The following ESPNL variants were observed in gnomAD, a reference collection of about 807,000 sequenced individuals.
ESPNL encodes the protein espin-like protein.
ESPNL carries 49 observed loss-of-function variants against 46.8 expected under a neutral mutation model. The observed-to-expected ratio is 1.05, with a 90% CI of 0.83 to 1.33. The LOEUF is 1.33. Among genes scored for constraint, ESPNL ranks in the 40% most tolerant of loss-of-function variants. The probability of loss-of-function intolerance (pLI) is 0.00; values close to 1 mark genes in which losing one functional copy is unlikely to be tolerated. For missense variants in ESPNL, 1,540 were observed against 1,436.6 expected, an observed-to-expected ratio of 1.07 and a Z score of -1.16; for synonymous variants, 664 against 662.1, an observed-to-expected ratio of 1.00 and a Z score of -0.04.
At chr2:238,103,530 G>C (rs141405712) in intron 2 of ESPNL, among the ~76,000 whole-genome samples, 9 of 152,098 alleles carry the variant, frequency 5.9e-5, no homozygotes, top group Admixed American at 3.9e-4. Flanking sequence ...CCTAGTTCCC[G>C]CCTGGCATTG....
At chr2:238,108,218 G>C (rs1239912471) in intron 4 of ESPNL, among the ~76,000 whole-genome samples, 1 of 152,156 alleles carries the variant, frequency 6.6e-6, no homozygotes, top group Non-Finnish European at 1.5e-5. Context: ...AAACTCCCTC[G>C]TGCCTGGTCA....
At position 238,107,656 on chromosome 2, in the gene ESPNL, G is replaced by A. The variant is rs114434152; in HGVS notation, c.673-135G>A. 929 of 890,360 alleles carry A rather than the reference G, an allele frequency of 1.0e-3. 6 individuals are homozygous for A. In the African/African-American group the frequency reaches 0.013, roughly 12 times the overall value. The allele number at this position is 890,360 out of a possible 1,614,324, so 55.2% of individuals were successfully genotyped here. A position where few individuals can be genotyped will look rare whatever the true frequency, so the allele number is the denominator to read the frequency against. On this transcript the variant is annotated intron_variant, in intron 3 of 8. Transcript: ENST00000343063. Reference sequence around the variant, plus strand: ...CGCACGTGCTCAGCCAGCCCTGTCCGGGGTTTCCTGAGGTTGTACCCTGTG... The same window carrying A: ...CGCACGTGCTCAGCCAGCCCTGTCCAGGGTTTCCTGAGGTTGTACCCTGTG...
Position 238,102,120 on chromosome 2 carries a change from C to G in ESPNL, c.474C>G (p.Ala158=). ...GDLTCLKLLT[A]AHGSSVNRRT... Reference sequence around the variant, plus strand: ...TGACCTGCCTCAAGCTCCTGACAGCCGCGCATGGCAGGTAAGGAGCCCAAA... The same window carrying G: ...TGACCTGCCTCAAGCTCCTGACAGCGGCGCATGGCAGGTAAGGAGCCCAAA... Residue 158 remains alanine, a synonymous_variant, in exon 2 of 9, where the codon GCC becomes GCG. Coordinates refer to ENST00000343063, the MANE Select transcript of ESPNL (RefSeq NM_194312.4). 6.5e-7 allele frequency: 1 copy of G among 1,546,284 alleles called. No individual in the cohort carries two copies. Among genetic ancestry groups the G allele is most frequent in the Non-Finnish European group, 8.7e-7 (1 of 1,144,952 alleles).
chr2:238,132,369 A>G lies in ESPNL; in HGVS notation c.*637A>G, dbSNP rs185910545. 11 of 152,746 alleles carry G rather than the reference A, an allele frequency of 7.2e-5. No individual in the cohort carries two copies. Among genetic ancestry groups the G allele is most frequent in the African/African-American group, 2.6e-4 (11 of 41,592 alleles). 9.5% of individuals were successfully genotyped at this position (152,746 alleles called of 1,614,324 possible). A position where few individuals can be genotyped will look rare whatever the true frequency, so the allele number is the denominator to read the frequency against. Reference sequence around the variant, plus strand: ...CCTGCTTCCTCAAAGGAGGCTCCCCATGGGGCCCCTGTCCTCCAGCCTGAC... The same window carrying G: ...CCTGCTTCCTCAAAGGAGGCTCCCCGTGGGGCCCCTGTCCTCCAGCCTGAC... On this transcript the variant is annotated 3_prime_UTR_variant, in exon 9 of 9. Coordinates refer to ENST00000343063, the MANE Select transcript of ESPNL (RefSeq NM_194312.4).
chr2:238,113,075 C>G (rs1192817911), intron 4 of ESPNL, among the ~76,000 whole-genome samples: 1 of 152,196 alleles, frequency 6.6e-6, no homozygotes, highest in African/African-American at 2.4e-5. Context: ...GGCTATTATT[C>G]TGGATTTGTC....
At chr2:238,125,242 C>T in intron 5 of ESPNL, 28 bp from the exon 6 acceptor site, 1 of 1,165,566 alleles carries the variant, frequency 8.6e-7, no homozygotes, top group Non-Finnish European at 1.2e-6. Context: ...ACGGGGGTCC[C>T]CCACTGACCA....
rs774472350 is a variant in ESPNL, at chr2:238,102,172, C to T, written c.485+41C>T. The T allele has an allele frequency of 1.4e-4, 208 of 1,482,148 alleles. 1 individual carries two copies. The highest frequency in any genetic ancestry group is 9.3e-4 in the South Asian group (70 of 75,222). The allele number at this position is 1,482,148 out of a possible 1,614,324, so 91.8% of individuals were successfully genotyped here. A position where few individuals can be genotyped will look rare whatever the true frequency, so the allele number is the denominator to read the frequency against. On this transcript the variant is annotated intron_variant, in intron 2 of 8. Coordinates refer to ENST00000343063, the MANE Select transcript of ESPNL (RefSeq NM_194312.4). ...TCCCGCCTGGGGGGGCAGCCTGGGGCGAGCTGGCCAAGGGGAGGCTGCACC... is the reference window on the plus strand; with the variant it reads ...TCCCGCCTGGGGGGGCAGCCTGGGGTGAGCTGGCCAAGGGGAGGCTGCACC...
chr2:238,120,107 G>A (rs764885045), intron 5 of ESPNL, among the ~76,000 whole-genome samples: 27 of 152,130 alleles, frequency 1.8e-4, no homozygotes, highest in Non-Finnish European at 2.9e-4. Flanking sequence ...CTTGCTAGGC[G>A]TCCAGCGGGT....
chr2:238,129,014 G>T (rs1448786802), intron 8 of ESPNL, 110 bp downstream of exon 8: 4 of 1,448,098 alleles, frequency 2.8e-6, no homozygotes, highest in Non-Finnish European at 3.6e-6. Flanking sequence ...AGACCCAGGG[G>T]CCCCTCTCCT....
chr2:238,121,473 C>A (rs1275709637), intron 5 of ESPNL, among the ~76,000 whole-genome samples: 1 of 152,268 alleles, frequency 6.6e-6, no homozygotes, highest in Non-Finnish European at 1.5e-5. Flanking sequence ...TCTCAGCTCA[C>A]TGCAGCCTCA....
In ESPNL at chr2:238,107,901, G is replaced by T. The variant is rs764178645; in HGVS notation, c.783G>T (p.Met261Ile). ...CCATTCTAGACCGACTCCTGCTCAT[G>T]GGTACCCCCATCCTGAGAGACTCCT... ...HTPILDRLLLMGTPILRDSWG... is the reference protein window; with the variant it reads ...HTPILDRLLLIGTPILRDSWG... The change falls in exon 4 of 9, where the codon ATG becomes ATT. Residue 261 changes from methionine (M) to isoleucine (I), a missense_variant. By Grantham distance (10) the Met-to-Ile change is conservative. Transcript: ENST00000343063. The T allele has an allele frequency of 1.9e-6, 3 of 1,612,862 alleles. No homozygotes were observed. In the East Asian group the frequency reaches 6.7e-5, roughly 36 times the overall value.
intron 4 of ESPNL, among the ~76,000 whole-genome samples, chr2:238,108,587 C>T (rs1408431628): frequency 6.6e-6 from 1 of 152,198 alleles, no homozygotes; most frequent in Non-Finnish European, 1.5e-5. Flanking sequence ...CCATCCGGTC[C>T]TGAGCAGTGT....
At chr2:238,126,961 C>CACTATGTTAT (rs1692146153) in intron 6 of ESPNL, among the ~76,000 whole-genome samples, 1 of 53,412 alleles carries the variant, frequency 1.9e-5, no homozygotes, top group Non-Finnish European at 3.3e-5. Context: ...TATTGTGTGT[C>CACTATGTTAT]TGTGTGTATG....
intron 5 of ESPNL, among the ~76,000 whole-genome samples, chr2:238,120,376 C>T (rs1193801880): frequency 1.3e-5 from 2 of 152,182 alleles, no homozygotes; most frequent in African/African-American, 2.4e-5. Context: ...CTCCACAAGC[C>T]CCTGGCACAA....
chr2:238,123,822 G>A (rs1163405951), intron 5 of ESPNL, among the ~76,000 whole-genome samples: 1 of 152,206 alleles, frequency 6.6e-6, no homozygotes, highest in Non-Finnish European at 1.5e-5. Flanking sequence ...GAAGGAGTGA[G>A]GTGCGTGGGG....
rs72620835 is a variant in ESPNL at position 238,121,515 on chromosome 2, A to G, written c.988-3755A>G. 4.7e-3 allele frequency among the ~76,000 whole-genome samples: 722 copies of G among 152,300 alleles called. 44 individuals carry two copies. The East Asian group carries it at 0.12, about 25-fold the overall frequency. On this transcript the variant is annotated intron_variant, in intron 5 of 8. Transcript: ENST00000343063. ...CAGGCTCAAGTGATCCTCCCACCCCAGCCTCCCAAGTAGCTGGGACTACAG... is the reference window on the plus strand; with the variant it reads ...CAGGCTCAAGTGATCCTCCCACCCCGGCCTCCCAAGTAGCTGGGACTACAG...
At chr2:238,122,888 C>T (rs555010157) in intron 5 of ESPNL, among the ~76,000 whole-genome samples, 36 of 152,208 alleles carry the variant, frequency 2.4e-4, no homozygotes, top group Non-Finnish European at 4.7e-4. Context: ...CTTTTCTGGC[C>T]GCGTCTGGTC....
Position 238,130,768 on chromosome 2 carries a change from G to A in ESPNL, c.2054G>A (p.Ser685Asn), listed in dbSNP as rs1476117573. The A allele has an allele frequency of 6.4e-7, 1 of 1,552,200 alleles. No individual in the cohort carries two copies. Among genetic ancestry groups the A allele is most frequent in the South Asian group, 1.2e-5 (1 of 85,244 alleles). Reference sequence around the variant, plus strand: ...GGGGCCCAGCACAGGCAGTGCCTGAGTGGCTGCTGGCCAGCCCTGCCTAAG... The same window carrying A: ...GGGGCCCAGCACAGGCAGTGCCTGAATGGCTGCTGGCCAGCCCTGCCTAAG... Reference protein sequence around the residue: ...EPGAQHRQCLSGCWPALPKPR... With the variant: ...EPGAQHRQCLNGCWPALPKPR... The change falls in exon 9 of 9, where the codon AGT becomes AAT. Residue 685 changes from serine (S) to asparagine (N), a missense_variant. Coordinates refer to ENST00000343063, the MANE Select transcript of ESPNL (RefSeq NM_194312.4).
At position 238,131,971 on chromosome 2, in the gene ESPNL, A is replaced by G. The variant is rs1013089693; in HGVS notation, c.*239A>G. ...CCTTGGCAGGTCCTGAAGTGAGGCA[A>G]TGGGCCACCCCAGTCCAGGGCACCT... On this transcript the variant is annotated 3_prime_UTR_variant, in exon 9 of 9. Transcript: ENST00000343063. The G allele has an allele frequency of 4.2e-6, 2 of 470,788 alleles. No individual in the cohort carries two copies. The highest frequency in any genetic ancestry group is 4.0e-5 in the African/African-American group (2 of 50,516). 29.2% of individuals were successfully genotyped at this position (470,788 alleles called of 1,614,324 possible).
Sources: gnomAD v4.1 joint callset for allele counts (sites outside exome capture counted in the v4.1 genomes callset) on GRCh38, gnomAD v4.1.1 for gene constraint, MANE v1.5 for transcripts, NCBI Gene and HGNC (gene_info 2026-07-23, HGNC 2026-07-21) for gene names.